HDAC4: variants seen among roughly 807,000 people sequenced by gnomAD.
The protein encoded by HDAC4 is histone deacetylase 4.
In HDAC4, 16 loss-of-function variants were observed where a neutral mutation model predicts 135.1. The ratio of observed to expected loss-of-function variants is 0.12; its 90% CI spans 0.08 to 0.18. The LOEUF (loss-of-function observed/expected upper bound fraction) is 0.18. Ranked by LOEUF, HDAC4 falls within the 10% of genes least tolerant of loss-of-function variation. The pLI is 1.00. For missense variants in HDAC4, 1,143 were observed against 1,511.8 expected (o/e 0.76, Z 4.05); for synonymous variants, 685 against 653.4 (o/e 1.05, Z -0.74).
At chr2:239,120,514 G>C (rs3791433) in intron 12 of HDAC4, among the ~76,000 whole-genome samples, 70,315 of 150,188 alleles carry the variant, frequency 0.47, 18,875 homozygotes, top group African/African-American at 0.75. Flanking sequence ...CAGGCACACA[G>C]AGACAAGGAG....
chr2:239,103,044 G>T (rs1575035656), intron 15 of HDAC4, 148 bp from the exon 16 acceptor site: 2 of 852,996 alleles, frequency 2.3e-6, no homozygotes, highest in Admixed American at 2.4e-5. Flanking sequence ...TGCAAAAGAA[G>T]AAGCAACATC....
At chr2:239,369,784 A>T (rs1255070478) in intron 1 of HDAC4, among the ~76,000 whole-genome samples, 2 of 152,168 alleles carry the variant, frequency 1.3e-5, no homozygotes, top group African/African-American at 4.8e-5. Context: ...CAGAACACAC[A>T]GAATCGTAGC....
intron 3 of HDAC4, among the ~76,000 whole-genome samples, chr2:239,226,346 G>C (rs1279449823): frequency 6.6e-6 from 1 of 152,078 alleles, no homozygotes; most frequent in Non-Finnish European, 1.5e-5. Flanking sequence ...TCCTCCCTGA[G>C]AGATACTCAG....
rs796837146 is a variant in HDAC4, at chr2:239,197,882, T to TGTGC, written c.95-7806_95-7805insGCAC. Among the ~76,000 whole-genome samples the TGTGC allele has an allele frequency of 7.4e-4, 112 of 150,406 alleles. 1 individual carries two copies. The highest frequency in any genetic ancestry group is 3.9e-3 in the East Asian group (20 of 5,110). Reference sequence around the variant, plus strand: ...GTGTGTGTGTGTGTGTGTGTGTGTGTGCTGAGTGTCACCCAGGCTGGACTG... The same window carrying TGTGC: ...GTGTGTGTGTGTGTGTGTGTGTGTGTGTGCGCTGAGTGTCACCCAGGCTGGACTG... On this transcript the variant is annotated intron_variant, in intron 3 of 26. Coordinates refer to ENST00000543185, the MANE Select transcript of HDAC4 (RefSeq NM_001378414.1).
intron 7 of HDAC4, 80 bp from the exon 8 acceptor site, chr2:239,144,794 A>G: frequency 6.9e-7 from 1 of 1,442,044 alleles, no homozygotes; most frequent in Non-Finnish European, 9.7e-7. Flanking sequence ...TTTTAAAAAT[A>G]CGCACTCTGG....
At chr2:239,372,597 C>T (rs971734542) in intron 1 of HDAC4, among the ~76,000 whole-genome samples, 1 of 152,248 alleles carries the variant, frequency 6.6e-6, no homozygotes, top group South Asian at 2.1e-4. Context: ...CCCGGTACAC[C>T]AGGAGCTCTG....
Position 239,094,531 on chromosome 2 carries a change from C to T in HDAC4, c.2280+479G>A, listed in dbSNP as rs1003058433. ...CCAGGCCAGGTCCATATCATCAGCT[C>T]ACAGAAGCCAGCACAGCCCAGCGAG... On this transcript the variant is annotated intron_variant, in intron 17 of 26. Transcript: ENST00000543185. 4.8e-6 allele frequency: 5 copies of T among 1,048,884 alleles called. No homozygotes were observed. The African/African-American group carries it at 8.4e-5, about 18-fold the overall frequency. The allele number at this position is 1,048,884 out of a possible 1,614,324, so 65.0% of individuals were successfully genotyped here. A position where few individuals can be genotyped will look rare whatever the true frequency, so the allele number is the denominator to read the frequency against.
At chr2:239,089,930 G>T in intron 18 of HDAC4, 79 bp downstream of exon 18, 3 of 1,018,754 alleles carry the variant, frequency 2.9e-6, no homozygotes, top group Non-Finnish European at 4.7e-6. Context: ...AGAGGGAGAC[G>T]GAGTGGGCGG....
intron 1 of HDAC4, among the ~76,000 whole-genome samples, chr2:239,369,359 G>C (rs905868441): frequency 3.3e-5 from 5 of 152,286 alleles, no homozygotes; most frequent in South Asian, 2.1e-4. Flanking sequence ...CTGCCCGGCG[G>C]GGGGTGGGCA....
At chr2:239,055,256 G>A (rs1357866630) in intron 24 of HDAC4, 12 of 266,934 alleles carry the variant, frequency 4.5e-5, no homozygotes, top group East Asian at 3.9e-4. Flanking sequence ...CCAGGGCAGC[G>A]GAAGGTGGGG....
intron 12 of HDAC4, among the ~76,000 whole-genome samples, chr2:239,122,607 G>A (rs1303677686): frequency 6.6e-6 from 1 of 152,344 alleles, no homozygotes; most frequent in African/African-American, 2.4e-5. Flanking sequence ...GCTGGGGAGA[G>A]GAGAGCAGAG....
chr2:239,067,038 G>A, intron 23 of HDAC4, 183 bp from the exon 24 acceptor site: 5 of 695,734 alleles, frequency 7.2e-6, no homozygotes, highest in Non-Finnish European at 1.2e-5. Flanking sequence ...TCTTTGATCT[G>A]TTTGAGAGGA....
intron 2 of HDAC4, among the ~76,000 whole-genome samples, chr2:239,243,744 C>G (rs1257152537): frequency 2.6e-5 from 4 of 152,190 alleles, no homozygotes; most frequent in Admixed American, 2.6e-4. Context: ...GAGACTTATC[C>G]TATACTCTGC....
chr2:239,228,169 T>C (rs979044748), intron 3 of HDAC4, among the ~76,000 whole-genome samples: 6 of 152,210 alleles, frequency 3.9e-5, no homozygotes, highest in Non-Finnish European at 8.8e-5. Context: ...TGCCAGACGC[T>C]ACGCCAGACA....
chr2:239,389,123 A>C (rs1450488893), intron 1 of HDAC4, among the ~76,000 whole-genome samples: 2 of 152,104 alleles, frequency 1.3e-5, no homozygotes, highest in Admixed American at 1.3e-4. Flanking sequence ...AAATGCACCA[A>C]TCAGCACTCT....
chr2:239,090,421 G>A (rs1347925031), intron 17 of HDAC4, among the ~76,000 whole-genome samples: 2 of 146,062 alleles, frequency 1.4e-5, no homozygotes, highest in African/African-American at 5.1e-5. Flanking sequence ...ATGTCAAGGT[G>A]ATCTATTTCC....
chr2:239,169,171 C>T (rs1027845399), intron 5 of HDAC4, among the ~76,000 whole-genome samples: 1 of 152,202 alleles, frequency 6.6e-6, no homozygotes, highest in Non-Finnish European at 1.5e-5. Flanking sequence ...GCACAAATCA[C>T]CCAGCTGATA....
chr2:239,347,348 A>G (rs1447110215), intron 2 of HDAC4, among the ~76,000 whole-genome samples: 1 of 152,192 alleles, frequency 6.6e-6, no homozygotes, highest in Non-Finnish European at 1.5e-5. Context: ...CAGTGGTCTG[A>G]AGCAACTGTA....
rs1345921774 is a variant in HDAC4, at chr2:239,167,938, G to C, written c.491-4015C>G. Among the ~76,000 whole-genome samples the C allele has an allele frequency of 7.1e-6, 1 of 141,734 alleles. No homozygotes were observed. Among genetic ancestry groups the C allele is most frequent in the Non-Finnish European group, 1.5e-5 (1 of 65,158 alleles). The allele number at this position is 141,734 out of a possible 152,430, so 93.0% of individuals were successfully genotyped here. A position where few individuals can be genotyped will look rare whatever the true frequency, so the allele number is the denominator to read the frequency against. On this transcript the variant is annotated intron_variant, in intron 5 of 26. Transcript: ENST00000543185. The surrounding 1 kb of genome is among the most constrained non-coding windows in gnomAD (Gnocchi z 4.1). ...ACAGCTGAGCGGGGCAGAGAGAGGA[G>C]GACAGCAGCTCTGGGTGGGGCGGGG...
Sources: gnomAD v4.1 joint callset for allele counts (sites outside exome capture counted in the v4.1 genomes callset) on GRCh38, gnomAD v4.1.1 for gene constraint, Gnocchi (gnomAD v3.1) non-coding constraint, MANE v1.5 for transcripts, NCBI Gene and HGNC (gene_info 2026-07-23, HGNC 2026-07-21) for gene names.